KCNIP1: variants seen among roughly 807,000 people sequenced by gnomAD.
KCNIP1 encodes potassium voltage-gated channel interacting protein 1.
KCNIP1 carries 18 observed loss-of-function variants against 33.0 expected under a neutral mutation model. That is an observed-to-expected ratio of 0.55 (90% CI 0.38 to 0.81). The LOEUF is 0.81. Ranked by LOEUF, KCNIP1 falls within the 30% of genes least tolerant of loss-of-function variation. The pLI is 0.00. For missense variants in KCNIP1, 238 were observed against 271.6 expected (o/e 0.88, Z 0.87); for synonymous variants, 93 against 98.3 (o/e 0.95, Z 0.32).
intron 5 of KCNIP1, 51 bp from the exon 6 acceptor site, chr5:170,732,749 G>T: frequency 8.2e-7 from 1 of 1,221,510 alleles, no homozygotes; most frequent in South Asian, 1.2e-5. Flanking sequence ...CACCTAGGAA[G>T]AGCTTGACCT....
intron 1 of KCNIP1, among the ~76,000 whole-genome samples, chr5:170,713,478 A>G (rs1052359056): frequency 6.6e-6 from 1 of 152,198 alleles, no homozygotes; most frequent in African/African-American, 2.4e-5. Flanking sequence ...GACATCCTAG[A>G]GGCTGTGGCT....
intron 1 of KCNIP1, among the ~76,000 whole-genome samples, chr5:170,355,446 G>A (rs1763321864): frequency 1.3e-5 from 2 of 152,150 alleles, no homozygotes; most frequent in Admixed American, 6.5e-5. Flanking sequence ...AATGGGTGTG[G>A]GGCAGCAACC....
intron 1 of KCNIP1, among the ~76,000 whole-genome samples, chr5:170,419,634 G>T (rs1329465564): frequency 6.6e-6 from 1 of 152,198 alleles, no homozygotes. Context: ...GTGCACTTAC[G>T]ATGTACCAAG....
chr5:170,651,490 A>G (rs1296896105), intron 1 of KCNIP1, among the ~76,000 whole-genome samples: 2 of 152,170 alleles, frequency 1.3e-5, no homozygotes, highest in African/African-American at 4.8e-5. Context: ...GACTGTCTCC[A>G]CAGTGAACAA....
intron 1 of KCNIP1, chr5:170,679,240 A>T (rs982099655): frequency 8.5e-5 from 13 of 152,380 alleles, no homozygotes; most frequent in African/African-American, 2.9e-4. Context: ...ACAAAGGTTT[A>T]GCAACTGCCT....
Position 170,508,311 on chromosome 5 carries a change from C to T in KCNIP1, c.61+3678C>T, listed in dbSNP as rs565539550. ...ATCAGATGCTTTTTCTAAGGCCACA[C>T]GGTGAGTTAATAGGGTACTGGTTAA... On this transcript the variant is annotated intron_variant, in intron 1 of 7. Transcript: ENST00000328939. 5.9e-5 allele frequency among the ~76,000 whole-genome samples: 9 copies of T among 152,262 alleles called. No homozygotes were observed. In the South Asian group the frequency reaches 1.7e-3, roughly 28 times the overall value.
chr5:170,424,157 A>G lies in KCNIP1; in HGVS notation c.88+70193A>G, dbSNP rs150997403. 1.8e-3 allele frequency among the ~76,000 whole-genome samples: 268 copies of G among 152,298 alleles called. 2 individuals carry two copies. The highest frequency in any genetic ancestry group is 0.01 in the Middle Eastern group (3 of 294). ...TCCATTACTAGGGAGCTTCTCAGAC[A>G]TGCTCTTGGGTTCCCTGTCCTTACC... is the stretch of plus-strand genomic sequence containing the variant. On this transcript the variant is annotated intron_variant, in intron 1 of 7. Transcript: ENST00000377360.
chr5:170,657,762 C>T (rs914184174), intron 1 of KCNIP1, among the ~76,000 whole-genome samples: 1 of 152,244 alleles, frequency 6.6e-6, no homozygotes, highest in Non-Finnish European at 1.5e-5. Context: ...CTGGTGCAAT[C>T]AGATGACCTT....
intron 1 of KCNIP1, among the ~76,000 whole-genome samples, chr5:170,672,740 G>T (rs1761974296): frequency 6.6e-6 from 1 of 152,232 alleles, no homozygotes; most frequent in Admixed American, 6.5e-5. Context: ...GTCTTCCCAG[G>T]AGGGAGGGGG....
chr5:170,577,466 C>T (rs1209366848), intron 1 of KCNIP1, among the ~76,000 whole-genome samples: 3 of 152,168 alleles, frequency 2.0e-5, no homozygotes, highest in Non-Finnish European at 2.9e-5. Context: ...TCCATTTATG[C>T]GTCTGTTGCG....
At chr5:170,426,025 G>T (rs1486211373) in intron 1 of KCNIP1, among the ~76,000 whole-genome samples, 2 of 152,218 alleles carry the variant, frequency 1.3e-5, no homozygotes, top group African/African-American at 2.4e-5. Context: ...CAGTTTGGCA[G>T]TGTGCTGGGG....
intron 1 of KCNIP1, among the ~76,000 whole-genome samples, chr5:170,531,352 ATTTC>A (rs1166769498): frequency 1.3e-5 from 2 of 152,182 alleles, no homozygotes; most frequent in Non-Finnish European, 2.9e-5. Context: ...GGGATCCTGC[ATTTC>A]CAATACCCTT....
rs1286311430 is a variant in KCNIP1 at position 170,504,737 on chromosome 5, C to T, written c.61+104C>T. The T allele has an allele frequency of 1.6e-5, 15 of 931,994 alleles. No individual in the cohort carries two copies. Among genetic ancestry groups the T allele is most frequent in the Non-Finnish European group, 2.6e-5 (15 of 573,842 alleles). The allele number at this position is 931,994 out of a possible 1,614,324, so 57.7% of individuals were successfully genotyped here. ...CCCTTAGTCCGGACTCTCCTCTCCA[C>T]GAGGAGCCCGGACAGGTGCTTGTAT... On this transcript the variant is annotated intron_variant, in intron 1 of 7. Transcript: ENST00000328939. The surrounding 1 kb of genome is among the most constrained non-coding windows in gnomAD (Gnocchi z 6.0).
rs370190632 is a variant in KCNIP1, at chr5:170,512,646, G to C, written c.61+8013G>C. Among the ~76,000 whole-genome samples the C allele has an allele frequency of 2.0e-5, 3 of 152,318 alleles. No homozygotes were observed. In the East Asian group the frequency reaches 5.8e-4, roughly 29 times the overall value. Reference sequence around the variant, plus strand: ...TGCAGTCATGCATGTAAGATGCAGCGGTCAGCACTCAGAATGCGCTAAAGG... The same window carrying C: ...TGCAGTCATGCATGTAAGATGCAGCCGTCAGCACTCAGAATGCGCTAAAGG... On this transcript the variant is annotated intron_variant, in intron 1 of 7. Transcript: ENST00000328939.
intron 1 of KCNIP1, among the ~76,000 whole-genome samples, chr5:170,537,713 C>T (rs1026860890): frequency 5.3e-5 from 8 of 152,238 alleles, no homozygotes; most frequent in African/African-American, 9.6e-5. Flanking sequence ...GCATGGCTCT[C>T]TTCCATAGCT....
intron 1 of KCNIP1, among the ~76,000 whole-genome samples, chr5:170,592,270 C>A (rs1409298288): frequency 1.3e-5 from 2 of 152,158 alleles, no homozygotes; most frequent in African/African-American, 4.8e-5. Context: ...TTTTATATAT[C>A]TTTCTTGGAG....
At chr5:170,719,660 A>G (rs1286081002) in intron 2 of KCNIP1, among the ~76,000 whole-genome samples, 1 of 152,162 alleles carries the variant, frequency 6.6e-6, no homozygotes, top group East Asian at 1.9e-4. Context: ...CCACAGCCTC[A>G]ATGTTCTCCA....
intron 1 of KCNIP1, among the ~76,000 whole-genome samples, chr5:170,415,913 C>T (rs796821550): frequency 3.9e-5 from 6 of 152,238 alleles, no homozygotes; most frequent in African/African-American, 1.4e-4. Context: ...ACACTCCAGG[C>T]AGAGGGCACA....
intron 1 of KCNIP1, among the ~76,000 whole-genome samples, chr5:170,705,471 G>C (rs34019210): frequency 0.16 from 25,043 of 152,126 alleles, 2,526 homozygotes; most frequent in African/African-American, 0.28. Flanking sequence ...GGGCAGAGGA[G>C]CCAGAGCCAG....
Sources: gnomAD v4.1 joint callset for allele counts (sites outside exome capture counted in the v4.1 genomes callset) on GRCh38, gnomAD v4.1.1 for gene constraint, Gnocchi (gnomAD v3.1) non-coding constraint, MANE v1.5 for transcripts, NCBI Gene and HGNC (gene_info 2026-07-23, HGNC 2026-07-21) for gene names.